The following RIMS2 variants were observed in gnomAD, a reference collection of about 807,000 sequenced individuals.
RIMS2 encodes regulating synaptic membrane exocytosis 2.
In RIMS2, 59 loss-of-function variants were observed where a neutral mutation model predicts 174.4. The ratio of observed to expected loss-of-function variants is 0.34; its 90% CI spans 0.27 to 0.42. The LOEUF (loss-of-function observed/expected upper bound fraction) is 0.42, where lower values mean the gene tolerates loss of function less well. Among genes scored for constraint, RIMS2 ranks in the 10% least tolerant of loss-of-function variants. The probability of loss-of-function intolerance (pLI) is 1.00; values close to 1 mark genes in which losing one functional copy is unlikely to be tolerated. For missense variants in RIMS2, 1,620 were observed against 1,666.3 expected (o/e 0.97, Z 0.48); for synonymous variants, 606 against 572.5 (o/e 1.06, Z -0.84).
intron 1 of RIMS2, among the ~76,000 whole-genome samples, chr8:103,572,055 T>C (rs1240430420): frequency 6.6e-6 from 1 of 152,152 alleles, no homozygotes; most frequent in Admixed American, 6.5e-5. Context: ...CAGTGAGTGT[T>C]ACAGATCTTA....
At chr8:104,218,769 G>A (rs535054720) in intron 19 of RIMS2, among the ~76,000 whole-genome samples, 1 of 152,244 alleles carries the variant, frequency 6.6e-6, no homozygotes, top group East Asian at 1.9e-4. Flanking sequence ...GCAGTGGGGA[G>A]CAGCTGTAAA....
At chr8:103,596,331 C>T (rs2094476591) in intron 1 of RIMS2, among the ~76,000 whole-genome samples, 1 of 151,958 alleles carries the variant, frequency 6.6e-6, no homozygotes. Context: ...TTTAAGTGAT[C>T]ACCAATTAAG....
intron 19 of RIMS2, among the ~76,000 whole-genome samples, chr8:104,090,055 C>G (rs150970425): frequency 4.1e-5 from 6 of 144,744 alleles, no homozygotes; most frequent in Non-Finnish European, 6.1e-5. Context: ...TATACACATG[C>G]ACATATATAT....
At chr8:103,895,534 C>T (rs1440403048) in intron 4 of RIMS2, among the ~76,000 whole-genome samples, 1 of 151,530 alleles carries the variant, frequency 6.6e-6, no homozygotes, top group Non-Finnish European at 1.5e-5. Flanking sequence ...CCAAAAGCTT[C>T]ACCTCAAAAA....
chr8:104,221,627 G>C (rs1278870936), intron 19 of RIMS2, among the ~76,000 whole-genome samples: 1 of 152,100 alleles, frequency 6.6e-6, no homozygotes, highest in Non-Finnish European at 1.5e-5. Flanking sequence ...GAGTTGTAGG[G>C]ACATTAATGA....
chr8:103,881,307 T>G (rs1384639068), intron 3 of RIMS2, among the ~76,000 whole-genome samples: 1 of 151,588 alleles, frequency 6.6e-6, no homozygotes, highest in Non-Finnish European at 1.5e-5. Context: ...TTATAAATGT[T>G]TTCAAATGTT....
chr8:103,972,273 TAA>T (rs1441087766), intron 15 of RIMS2, among the ~76,000 whole-genome samples: 7 of 152,214 alleles, frequency 4.6e-5, no homozygotes, highest in African/African-American at 1.4e-4. Context: ...TTATTTTACT[TAA>T]GTCAGAATTT....
chr8:104,023,047 T>C (rs986152969), intron 19 of RIMS2, among the ~76,000 whole-genome samples: 1 of 152,244 alleles, frequency 6.6e-6, no homozygotes, highest in East Asian at 1.9e-4. Flanking sequence ...AATGGCTTTT[T>C]ATTTACAGTT....
chr8:103,877,193 A>G (rs1416260437), intron 3 of RIMS2, among the ~76,000 whole-genome samples: 16 of 151,558 alleles, frequency 1.1e-4, no homozygotes, highest in Admixed American at 9.9e-4. Context: ...TTTTCACTGC[A>G]TCTACACCAA....
intron 19 of RIMS2, among the ~76,000 whole-genome samples, chr8:104,058,750 G>T (rs546165240): frequency 0.018 from 2,739 of 152,194 alleles, 39 homozygotes; most frequent in Non-Finnish European, 0.029. Context: ...TTTGTATAAG[G>T]CGTAAGGAAG....
chr8:103,607,528 C>T, intron 1 of RIMS2, among the ~76,000 whole-genome samples: 1 of 150,000 alleles, frequency 6.7e-6, no homozygotes, highest in Non-Finnish European at 1.5e-5. Context: ...TCTGTTTTTC[C>T]TGAATCTGAA....
intron 3 of RIMS2, among the ~76,000 whole-genome samples, chr8:103,844,346 GAA>G (rs1260625330): frequency 6.6e-6 from 1 of 152,092 alleles, no homozygotes; most frequent in Non-Finnish European, 1.5e-5. Flanking sequence ...CTTGTATTTT[GAA>G]AAGAGGAAAA....
chr8:103,819,559 C>T, intron 3 of RIMS2: 1 of 1,613,520 alleles, frequency 6.2e-7, no homozygotes, highest in Non-Finnish European at 8.5e-7. Context: ...ATCTCATTTT[C>T]ATGGGGTTTT....
At chr8:103,548,515 A>G (rs1846122688) in intron 1 of RIMS2, among the ~76,000 whole-genome samples, 1 of 151,264 alleles carries the variant, frequency 6.6e-6, no homozygotes, top group African/African-American at 2.4e-5. Flanking sequence ...GAAGGAACAT[A>G]TATCAAAATA....
Position 103,885,834 on chromosome 8 carries a change from T to C in RIMS2, c.1235T>C (p.Met412Thr), listed in dbSNP as rs371072647. The C allele has an allele frequency of 4.3e-6, 7 of 1,612,734 alleles. No homozygotes were observed. In the African/African-American group the frequency reaches 5.4e-5, roughly 12 times the overall value. ...ATGGAAAATCAGCGATCTTATTCAATGGAAAGAACTCGAGAGGCTCAGGGA... is the reference window on the plus strand; with the variant it reads ...ATGGAAAATCAGCGATCTTATTCAACGGAAAGAACTCGAGAGGCTCAGGGA... Residue 412 changes from methionine to threonine, a missense_variant, in exon 4 of 24, where the codon ATG (methionine) becomes ACG (threonine). Met to Thr is a moderately conservative substitution (Grantham distance 81). Transcript: ENST00000504942.
intron 3 of RIMS2, among the ~76,000 whole-genome samples, chr8:103,839,817 G>T (rs1337509787): frequency 6.6e-6 from 1 of 152,156 alleles, no homozygotes; most frequent in Non-Finnish European, 1.5e-5. Flanking sequence ...GATTATTTCT[G>T]CAGTTCATTA....
intron 3 of RIMS2, among the ~76,000 whole-genome samples, chr8:103,838,128 T>TAGA (rs1270587471): frequency 1.4e-4 from 22 of 152,116 alleles, no homozygotes; most frequent in Admixed American, 9.2e-4. Context: ...TGTAGTTTTG[T>TAGA]AGAAGTAGGG....
chr8:104,055,003 T>A (rs1355556375), intron 19 of RIMS2, among the ~76,000 whole-genome samples: 2 of 152,144 alleles, frequency 1.3e-5, no homozygotes, highest in Non-Finnish European at 2.9e-5. Context: ...TCCACTCTTT[T>A]TGAAGGAGGA....
At chr8:104,166,859 A>T (rs1447071) in intron 19 of RIMS2, among the ~76,000 whole-genome samples, 122,794 of 152,094 alleles carry the variant, frequency 0.81, 50,046 homozygotes, top group East Asian at 1. Context: ...CTCCCACTTA[A>T]AAGTGAGAAC....
Sources: allele counts gnomAD v4.1 joint callset (sites outside exome capture counted in the v4.1 genomes callset), GRCh38; gene constraint gnomAD v4.1.1; transcripts MANE v1.5; gene names NCBI Gene and HGNC (gene_info 2026-07-23, HGNC 2026-07-21).